The following GNAL variants were observed in gnomAD, a reference collection of about 807,000 sequenced individuals.
GNAL encodes G protein subunit alpha L.
GNAL carries 18 observed loss-of-function variants against 55.1 expected under a neutral mutation model. The ratio of observed to expected loss-of-function variants is 0.33; its 90% CI spans 0.23 to 0.48. The LOEUF (loss-of-function observed/expected upper bound fraction) is 0.48. GNAL is among the 20% of genes least tolerant of loss of function. GNAL has a pLI of 0.99. For missense variants in GNAL, 412 were observed against 614.1 expected (o/e 0.67, Z 3.48); for synonymous variants, 253 against 237.0 (o/e 1.07, Z -0.62).
intron 1 of GNAL, among the ~76,000 whole-genome samples, chr18:11,698,955 TTC>T (rs2031490851): frequency 1.1e-5 from 1 of 89,498 alleles, no homozygotes; most frequent in African/African-American, 2.0e-4. Context: ...CTAGCTAATT[TTC>T]GGGTATCTAG....
At chr18:11,709,693 GT>G (rs1267433563) in intron 1 of GNAL, among the ~76,000 whole-genome samples, 1 of 152,046 alleles carries the variant, frequency 6.6e-6, no homozygotes, top group African/African-American at 2.4e-5. Flanking sequence ...AGTTCTAATA[GT>G]TTTTTGGTGA....
At chr18:11,735,433 A>T (rs987143243) in intron 1 of GNAL, among the ~76,000 whole-genome samples, 7 of 152,184 alleles carry the variant, frequency 4.6e-5, no homozygotes, top group Non-Finnish European at 1.0e-4. Flanking sequence ...CATTTAAATA[A>T]GAGTAGCTCA....
intron 1 of GNAL, among the ~76,000 whole-genome samples, chr18:11,701,045 C>T (rs905248741): frequency 6.6e-6 from 1 of 152,340 alleles, no homozygotes; most frequent in Non-Finnish European, 1.5e-5. Flanking sequence ...GCAGAGAGCA[C>T]AGCCTCAGCC....
chr18:11,784,985 C>CAATT (rs2034018141), intron 4 of GNAL, among the ~76,000 whole-genome samples: 1 of 152,182 alleles, frequency 6.6e-6, no homozygotes, highest in African/African-American at 2.4e-5. Flanking sequence ...AATCAGAAGA[C>CAATT]AATTAGCACA....
chr18:11,796,600 A>C (rs866841687), intron 4 of GNAL, among the ~76,000 whole-genome samples: 31 of 149,878 alleles, frequency 2.1e-4, no homozygotes, highest in Middle Eastern at 3.5e-3. Flanking sequence ...AAAAAACAAA[A>C]CACGCAACCT....
chr18:11,723,821 G>A (rs898815543), intron 1 of GNAL, among the ~76,000 whole-genome samples: 5 of 152,198 alleles, frequency 3.3e-5, no homozygotes, highest in Non-Finnish European at 5.9e-5. Context: ...GGGTGGCACA[G>A]TACAGGAGTG....
intron 4 of GNAL, among the ~76,000 whole-genome samples, chr18:11,777,237 A>AT (rs1348468958): frequency 1.3e-5 from 2 of 152,158 alleles, no homozygotes; most frequent in African/African-American, 4.8e-5. Flanking sequence ...GACCGGTATC[A>AT]TTACTGCTCA....
At chr18:11,857,656 T>G in intron 5 of GNAL, 1 of 985,376 alleles carries the variant, frequency 1.0e-6, no homozygotes, top group Non-Finnish European at 1.2e-6. Context: ...GGGACATGGT[T>G]CAGCTGCACA....
Position 11,864,600 on chromosome 18 carries a change from A to G in GNAL, c.845A>G (p.Asn282Ser). Residue 282 changes from asparagine to serine, a missense_variant, in exon 7 of 12, where the codon AAC becomes AGC. Transcript: ENST00000334049. Reference sequence around the variant, plus strand: ...ACACGATTCCAAGTGGACAAAGTAAACTTCCAGTGAGTATGTTGTTAAGAG... The same window carrying G: ...ACACGATTCCAAGTGGACAAAGTAAGCTTCCAGTGAGTATGTTGTTAAGAG... ...FETRFQVDKV[N>S]FHMFDVGGQR... 1 of 1,539,084 alleles carries G rather than the reference A, an allele frequency of 6.5e-7. No homozygotes were observed. Among genetic ancestry groups the G allele is most frequent in the Non-Finnish European group, 9.0e-7 (1 of 1,111,724 alleles).
At position 11,709,588 on chromosome 18, in the gene GNAL, AT is replaced by A. The variant is rs2031791664; in HGVS notation, c.376+19652del. On this transcript the variant is annotated intron_variant, in intron 1 of 11. Transcript: ENST00000334049. The stretch of plus-strand genomic sequence containing the variant: ...TTGTTGTAAATGAGATTGTTTTTTA[AT>A]TTCATTTTCAGATAGTTCATTGTTT... Among the ~76,000 whole-genome samples, 5 of 151,868 alleles carry A rather than the reference AT, an allele frequency of 3.3e-5. No homozygotes were observed. The South Asian group carries it at 1.0e-3, about 31-fold the overall frequency.
intron 5 of GNAL, chr18:11,851,841 G>C: frequency 6.2e-7 from 1 of 1,613,954 alleles, no homozygotes; most frequent in African/African-American, 1.3e-5. Context: ...ATCTGGAGAA[G>C]ATTTCTGCTT....
intron 1 of GNAL, chr18:11,746,635 A>G: frequency 4.1e-6 from 1 of 244,172 alleles, no homozygotes; most frequent in South Asian, 5.6e-5. Flanking sequence ...GAAGAAGGAG[A>G]GGGAGAAAAA....
chr18:11,850,258 C>A (rs2035828115), intron 5 of GNAL, among the ~76,000 whole-genome samples: 1 of 152,160 alleles, frequency 6.6e-6, no homozygotes, highest in African/African-American at 2.4e-5. Flanking sequence ...AGCCTCCATG[C>A]CCGGGGTTTG....
chr18:11,771,955 A>T (rs2033649473), intron 4 of GNAL, among the ~76,000 whole-genome samples: 1 of 151,898 alleles, frequency 6.6e-6, no homozygotes, highest in African/African-American at 2.4e-5. Flanking sequence ...TCCTGACCTC[A>T]GGTGATCTAC....
In GNAL at chr18:11,882,137, A is replaced by G. The variant is rs1478637565; in HGVS notation, c.*1002A>G. 1 of 152,198 alleles carries G rather than the reference A, an allele frequency of 6.6e-6. No homozygotes were observed. The highest frequency in any genetic ancestry group is 1.5e-5 in the Non-Finnish European group (1 of 68,034). 9.4% of individuals were successfully genotyped at this position (152,198 alleles called of 1,614,324 possible). A position where few individuals can be genotyped will look rare whatever the true frequency, so the allele number is the denominator to read the frequency against. On this transcript the variant is annotated 3_prime_UTR_variant, in exon 12 of 12. Transcript: ENST00000334049. Reference sequence around the variant, plus strand: ...TCCACATTCTATCGACAATGTACCAACATCACAAGCTGTTGCAACCACCTG... The same window carrying G: ...TCCACATTCTATCGACAATGTACCAGCATCACAAGCTGTTGCAACCACCTG...
At chr18:11,699,114 C>A (rs994457483) in intron 1 of GNAL, among the ~76,000 whole-genome samples, 1 of 152,032 alleles carries the variant, frequency 6.6e-6, no homozygotes, top group African/African-American at 2.4e-5. Flanking sequence ...GAATAAGGAG[C>A]CCTAGATGAT....
At chr18:11,796,575 CAAAAAAA>C (rs760136358) in intron 4 of GNAL, among the ~76,000 whole-genome samples, 1 of 58,950 alleles carries the variant, frequency 1.7e-5, no homozygotes, top group Non-Finnish European at 3.1e-5. Flanking sequence ...CTCCTTCTCA[CAAAAAAA>C]AAAAAAAAAA....
chr18:11,731,596 C>G (rs2032341792), intron 1 of GNAL, among the ~76,000 whole-genome samples: 1 of 152,222 alleles, frequency 6.6e-6, no homozygotes, highest in Non-Finnish European at 1.5e-5. Flanking sequence ...AGAAATCCCA[C>G]TGCGCAATTG....
At chr18:11,730,779 T>C (rs1255745941) in intron 1 of GNAL, among the ~76,000 whole-genome samples, 1 of 151,504 alleles carries the variant, frequency 6.6e-6, no homozygotes, top group Middle Eastern at 3.4e-3. Context: ...GGAAAAAAAA[T>C]AAAATAAAAT....
Sources: gnomAD v4.1 joint callset for allele counts (sites outside exome capture counted in the v4.1 genomes callset) on GRCh38, gnomAD v4.1.1 for gene constraint, MANE v1.5 for transcripts, NCBI Gene and HGNC (gene_info 2026-07-23, HGNC 2026-07-21) for gene names.